The following LRPPRC variants were observed in gnomAD, a reference collection of about 807,000 sequenced individuals.
LRPPRC encodes the protein leucine rich pentatricopeptide repeat containing, also known as leucine-rich PPR motif-containing protein, mitochondrial.
A neutral mutation model predicts 180.3 loss-of-function variants in LRPPRC; 120 were observed. The ratio of observed to expected loss-of-function variants is 0.67; its 90% CI spans 0.57 to 0.77. The LOEUF (loss-of-function observed/expected upper bound fraction) is 0.77. Ranked by LOEUF, LRPPRC falls within the 30% of genes least tolerant of loss-of-function variation. The probability of loss-of-function intolerance (pLI) is 0.00; values close to 1 mark genes in which losing one functional copy is unlikely to be tolerated. For missense variants in LRPPRC, 2,012 were observed against 1,657.2 expected (o/e 1.21, Z -3.72); for synonymous variants, 723 against 600.0 (o/e 1.21, Z -3.00).
Position 43,948,217 on chromosome 2 carries a change from AG to A in LRPPRC, c.1843-19del, listed in dbSNP as rs1352471135. ...TTTACATTCTGTGAGAAGGGAAGGG[AG>A]GGGGGAAAAAACCTGAGTTTTAGAC... On this transcript the variant is annotated intron_variant, in intron 17 of 37. Coordinates refer to ENST00000260665, the MANE Select transcript of LRPPRC (RefSeq NM_133259.4). 11 of 1,423,310 alleles carry A rather than the reference AG, an allele frequency of 7.7e-6. No individual in the cohort carries two copies. Among genetic ancestry groups the A allele is most frequent in the Non-Finnish European group, 1.1e-5 (11 of 1,006,322 alleles). The allele number at this position is 1,423,310 out of a possible 1,614,324, so 88.2% of individuals were successfully genotyped here.
At chr2:43,974,847 TA>T in intron 7 of LRPPRC, 89 bp from the exon 8 acceptor site, 1 of 1,312,790 alleles carries the variant, frequency 7.6e-7, no homozygotes, top group East Asian at 2.3e-5. Context: ...TTCAAAAAAC[TA>T]GGGAAAAATA....
intron 23 of LRPPRC, among the ~76,000 whole-genome samples, chr2:43,939,124 A>T (rs915564468): frequency 1.5e-4 from 22 of 151,498 alleles, no homozygotes; most frequent in African/African-American, 5.1e-4. Context: ...TACAAAAAAA[A>T]AAAAAAAAAT....
At chr2:43,891,643 C>A (rs777803811) in intron 36 of LRPPRC, among the ~76,000 whole-genome samples, 1 of 152,202 alleles carries the variant, frequency 6.6e-6, no homozygotes, top group African/African-American at 2.4e-5. Context: ...ATTCTCCTGT[C>A]TTCCTCTACT....
intron 21 of LRPPRC, 65 bp downstream of exon 21, chr2:43,946,048 T>C: frequency 6.7e-7 from 1 of 1,492,372 alleles, no homozygotes; most frequent in Admixed American, 1.7e-5. Flanking sequence ...TCCATCTAGA[T>C]AATCTATCAA....
At chr2:43,895,615 GTAAA>G (rs1459144045) in intron 35 of LRPPRC, among the ~76,000 whole-genome samples, 2 of 152,158 alleles carry the variant, frequency 1.3e-5, no homozygotes. Context: ...GTTGTTGGTA[GTAAA>G]TAAATACATG....
chr2:43,915,232 TCACACACACACACACACA>T (rs375631611), intron 29 of LRPPRC, among the ~76,000 whole-genome samples: 635 of 51,798 alleles, frequency 0.012, 6 homozygotes, highest in African/African-American at 0.05. Context: ...TCTCTCTCTC[TCACACACACACACACACA>T]CACACACACA....
chr2:43,902,880 A>C (rs763796185), intron 31 of LRPPRC: 1 of 152,186 alleles, frequency 6.6e-6, no homozygotes, highest in Non-Finnish European at 1.5e-5. Flanking sequence ...GATGACAGTA[A>C]CTCAAACTTA....
At chr2:43,928,073 C>T (rs375855067) in intron 25 of LRPPRC, among the ~76,000 whole-genome samples, 1 of 152,180 alleles carries the variant, frequency 6.6e-6, no homozygotes, top group African/African-American at 2.4e-5. Flanking sequence ...TTCTGTGTTG[C>T]CACATACAAT....
At chr2:43,918,890 G>A (rs543144495) in intron 27 of LRPPRC, among the ~76,000 whole-genome samples, 10 of 149,978 alleles carry the variant, frequency 6.7e-5, no homozygotes, top group Non-Finnish European at 1.2e-4. Flanking sequence ...TATGGCATAT[G>A]CCACCATATA....
chr2:43,927,757 C>T (rs537291460), intron 25 of LRPPRC, among the ~76,000 whole-genome samples: 19 of 152,272 alleles, frequency 1.2e-4, no homozygotes, highest in Non-Finnish European at 2.5e-4. Context: ...ATCTGCCTGT[C>T]TTTGGCAGGA....
At chr2:43,927,641 C>A (rs1289460151) in intron 25 of LRPPRC, among the ~76,000 whole-genome samples, 1 of 152,204 alleles carries the variant, frequency 6.6e-6, no homozygotes, top group Non-Finnish European at 1.5e-5. Context: ...CGGCAAAATG[C>A]AAGGGCTACG....
chr2:43,906,276 G>A (rs1157313206), intron 30 of LRPPRC, among the ~76,000 whole-genome samples: 2 of 152,056 alleles, frequency 1.3e-5, no homozygotes, highest in African/African-American at 4.8e-5. Flanking sequence ...TCAAATTTCT[G>A]CCATCTAGAT....
intron 36 of LRPPRC, among the ~76,000 whole-genome samples, chr2:43,893,366 G>A (rs1216731333): frequency 1.3e-5 from 2 of 152,154 alleles, no homozygotes; most frequent in African/African-American, 4.8e-5. Flanking sequence ...ATACTACAGA[G>A]AACTCTTTCG....
chr2:43,934,859 G>A lies in LRPPRC; in HGVS notation c.2524C>T (p.Leu842Phe). ...HLEKGDLSTA[L>F]EVAIDCYEKY... ...TCATAGCAGTCAATGGCGACCTCAAGAGCAGTAGATAGGTCGCCCCTTAGA... is the reference window on the plus strand; with the variant it reads ...TCATAGCAGTCAATGGCGACCTCAAAAGCAGTAGATAGGTCGCCCCTTAGA... The change falls in exon 24 of 38, where the codon CTT (leucine) becomes TTT (phenylalanine). Residue 842 changes from leucine (L) to phenylalanine (F), a missense_variant. Transcript: ENST00000260665. 1 of 1,613,006 alleles carries A rather than the reference G, an allele frequency of 6.2e-7. No homozygotes were observed. Among genetic ancestry groups the A allele is most frequent in the South Asian group, 1.1e-5 (1 of 91,022 alleles).
At chr2:43,995,567 G>T (rs1425323774) in intron 1 of LRPPRC, among the ~76,000 whole-genome samples, 2 of 152,224 alleles carry the variant, frequency 1.3e-5, no homozygotes. Flanking sequence ...AGTGGCGGGG[G>T]CAGGATTCAA....
At chr2:43,953,990 C>T (rs921863410) in intron 14 of LRPPRC, among the ~76,000 whole-genome samples, 2 of 152,126 alleles carry the variant, frequency 1.3e-5, no homozygotes, top group African/African-American at 4.8e-5. Flanking sequence ...GGCAATACAG[C>T]GAGACCTCAT....
At chr2:43,955,455 C>G (rs1673070703) in intron 14 of LRPPRC, among the ~76,000 whole-genome samples, 1 of 127,918 alleles carries the variant, frequency 7.8e-6, no homozygotes, top group Admixed American at 8.8e-5. Context: ...GGTGACAGAG[C>G]AAGACTCTGT....
intron 1 of LRPPRC, among the ~76,000 whole-genome samples, chr2:43,989,676 T>C (rs541410918): frequency 6.6e-6 from 1 of 152,318 alleles, no homozygotes; most frequent in East Asian, 1.9e-4. Context: ...CAATGATAAC[T>C]ACCATGGCAG....
intron 30 of LRPPRC, among the ~76,000 whole-genome samples, chr2:43,910,128 T>C (rs1018738587): frequency 6.6e-6 from 1 of 152,166 alleles, no homozygotes; most frequent in African/African-American, 2.4e-5. Context: ...ACCCACTAAT[T>C]GGCTGCAATT....
Sources: gnomAD v4.1 joint callset for allele counts (sites outside exome capture counted in the v4.1 genomes callset) on GRCh38, gnomAD v4.1.1 for gene constraint, MANE v1.5 for transcripts, NCBI Gene and HGNC (gene_info 2026-07-23, HGNC 2026-07-21) for gene names.